TRPM3: variants seen among roughly 807,000 people sequenced by gnomAD.
TRPM3 encodes long transient receptor potential channel 3.
TRPM3 carries 77 observed loss-of-function variants against 181.2 expected under a neutral mutation model. That is an observed-to-expected ratio of 0.42 (90% CI 0.35 to 0.51). The LOEUF is 0.51. Among genes scored for constraint, TRPM3 ranks in the 20% least tolerant of loss-of-function variants. The pLI is 0.01. For missense variants in TRPM3, 1,759 were observed against 2,196.7 expected (o/e 0.80, Z 3.98); for synonymous variants, 745 against 796.4 (o/e 0.94, Z 1.09).
intron 9 of TRPM3, among the ~76,000 whole-genome samples, chr9:70,679,899 C>T (rs928982850): frequency 6.6e-6 from 1 of 152,058 alleles, no homozygotes. Flanking sequence ...GAGAGTGGGG[C>T]CTGCAGTATG....
At chr9:70,870,338 A>G (rs2095761427) in intron 1 of TRPM3, among the ~76,000 whole-genome samples, 1 of 152,002 alleles carries the variant, frequency 6.6e-6, no homozygotes, top group Admixed American at 6.6e-5. Context: ...ACAATAAACT[A>G]CCTAGTGACT....
intron 22 of TRPM3, among the ~76,000 whole-genome samples, chr9:70,566,230 G>GGGT (rs922025123): frequency 2.4e-4 from 37 of 152,216 alleles, no homozygotes; most frequent in Admixed American, 2.2e-3. Flanking sequence ...GGAAGCCCAC[G>GGGT]GGTGGTGGTG....
intron 1 of TRPM3, among the ~76,000 whole-genome samples, chr9:71,033,703 G>A (rs1232809020): frequency 6.6e-6 from 1 of 152,196 alleles, no homozygotes; most frequent in East Asian, 1.9e-4. Context: ...AATATGGCAG[G>A]CTTGCTGAGA....
At chr9:71,312,322 A>G (rs1475155603) in intron 1 of TRPM3, among the ~76,000 whole-genome samples, 1 of 152,190 alleles carries the variant, frequency 6.6e-6, no homozygotes, top group African/African-American at 2.4e-5. Context: ...AAATGTCAGC[A>G]GAGAAATGCA....
chr9:70,642,641 C>T (rs1052531509), intron 9 of TRPM3, among the ~76,000 whole-genome samples: 7 of 152,190 alleles, frequency 4.6e-5, no homozygotes, highest in Non-Finnish European at 8.8e-5. Context: ...CAATGTGCAG[C>T]CAATGTCCAG....
chr9:70,758,536 A>C lies in TRPM3; in HGVS notation c.1272+3065T>G, dbSNP rs7859302. 9.3e-3 allele frequency among the ~76,000 whole-genome samples: 1,415 copies of C among 152,292 alleles called. 28 individuals carry two copies. The highest frequency in any genetic ancestry group is 0.032 in the African/African-American group (1,327 of 41,564). On this transcript the variant is annotated intron_variant, in intron 8 of 25. Transcript: ENST00000677713. ...CCACATAGCCAAGACAATCCTAAGC[A>C]AAAAGAACAAAGCTGGAGGCATCAC...
intron 1 of TRPM3, among the ~76,000 whole-genome samples, chr9:71,330,092 T>C (rs899899862): frequency 2.1e-4 from 32 of 151,076 alleles, no homozygotes; most frequent in African/African-American, 7.5e-4. Flanking sequence ...GTGCCCAGCA[T>C]AGCACCCCAA....
chr9:70,559,230 T>C (rs1477701444), intron 22 of TRPM3, among the ~76,000 whole-genome samples: 1 of 152,218 alleles, frequency 6.6e-6, no homozygotes, highest in Non-Finnish European at 1.5e-5. Context: ...GCTGAATGCC[T>C]GCAGACATGG....
At chr9:71,350,483 C>T (rs2091560865) in intron 1 of TRPM3, among the ~76,000 whole-genome samples, 1 of 152,142 alleles carries the variant, frequency 6.6e-6, no homozygotes, top group Non-Finnish European at 1.5e-5. Context: ...GATCGCTTCC[C>T]TTGATTGTGA....
At chr9:71,276,441 T>C (rs1476919654) in intron 1 of TRPM3, among the ~76,000 whole-genome samples, 2 of 151,976 alleles carry the variant, frequency 1.3e-5, no homozygotes, top group African/African-American at 4.8e-5. Flanking sequence ...AACACAAATA[T>C]TACTATGTAG....
intron 1 of TRPM3, among the ~76,000 whole-genome samples, chr9:71,181,322 A>C (rs1407641632): frequency 6.6e-6 from 1 of 151,944 alleles, no homozygotes; most frequent in Non-Finnish European, 1.5e-5. Context: ...TGTTTTAATA[A>C]AAATATTTGT....
chr9:70,767,438 G>A (rs1006548023), intron 7 of TRPM3, among the ~76,000 whole-genome samples: 1 of 152,182 alleles, frequency 6.6e-6, no homozygotes, highest in African/African-American at 2.4e-5. Flanking sequence ...TGAAAAAGTT[G>A]TATGCCATGT....
At chr9:71,037,741 A>C (rs2058376724) in intron 1 of TRPM3, among the ~76,000 whole-genome samples, 1 of 152,238 alleles carries the variant, frequency 6.6e-6, no homozygotes, top group Non-Finnish European at 1.5e-5. Flanking sequence ...GTATCACAGC[A>C]GATGTAATCA....
intron 1 of TRPM3, among the ~76,000 whole-genome samples, chr9:71,061,189 A>T (rs181549510): frequency 1.6e-4 from 24 of 152,256 alleles, no homozygotes; most frequent in Non-Finnish European, 3.1e-4. Flanking sequence ...CTGACTTGTT[A>T]CGAGCAAAGA....
intron 1 of TRPM3, among the ~76,000 whole-genome samples, chr9:71,051,249 T>G (rs923101017): frequency 6.6e-6 from 1 of 152,202 alleles, no homozygotes; most frequent in Non-Finnish European, 1.5e-5. Context: ...TGGCATTCAT[T>G]CAAAATGTTT....
intron 1 of TRPM3, among the ~76,000 whole-genome samples, chr9:71,044,560 G>T (rs186699652): frequency 2.2e-4 from 34 of 152,274 alleles, no homozygotes; most frequent in African/African-American, 7.0e-4. Context: ...TCATTATGAA[G>T]ACATTCAATT....
chr9:71,336,178 C>CG (rs1020719766), intron 1 of TRPM3, among the ~76,000 whole-genome samples: 1 of 140,730 alleles, frequency 7.1e-6, no homozygotes, highest in Non-Finnish European at 1.5e-5. Context: ...ACAAACTGTC[C>CG]GAAAAAAAAA....
At position 71,386,198 on chromosome 9, in the gene TRPM3, C is replaced by T. The variant is rs549781919; in HGVS notation, c.183+60455G>A. 1.9e-4 allele frequency among the ~76,000 whole-genome samples: 29 copies of T among 152,054 alleles called. No individual in the cohort carries two copies. In the South Asian group the frequency reaches 2.9e-3, roughly 15 times the overall value. ...AAGCGTGGTGGCTCCTGCCTGTAAT[C>T]CCAGCACTTTGGGAGGCCAAGGCTG... On this transcript the variant is annotated intron_variant, in intron 1 of 24. Transcript: ENST00000357533.
chr9:71,130,329 A>G (rs957475422), intron 1 of TRPM3, among the ~76,000 whole-genome samples: 1 of 152,222 alleles, frequency 6.6e-6, no homozygotes, highest in Admixed American at 6.5e-5. Flanking sequence ...ATGATCTATC[A>G]TTATTCATGA....
Sources: gnomAD v4.1 joint callset for allele counts (sites outside exome capture counted in the v4.1 genomes callset) on GRCh38, gnomAD v4.1.1 for gene constraint, MANE v1.5 for transcripts, NCBI Gene and HGNC (gene_info 2026-07-23, HGNC 2026-07-21) for gene names.